EPB41L3: variants seen among roughly 807,000 people sequenced by gnomAD.
EPB41L3 encodes band 4.1-like protein 3.
Under a neutral mutation model 127.1 loss-of-function variants are expected in EPB41L3, and 57 were observed. The ratio of observed to expected loss-of-function variants is 0.45; its 90% CI spans 0.36 to 0.56. The LOEUF (loss-of-function observed/expected upper bound fraction) is 0.56, where lower values mean the gene tolerates loss of function less well. Ranked by LOEUF, EPB41L3 falls within the 20% of genes least tolerant of loss-of-function variation. The pLI is 0.00. For synonymous variants in EPB41L3, 572 were observed against 549.5 expected, an observed-to-expected ratio of 1.04 and a Z score of -0.57; for missense variants, 1,273 against 1,372.2, an observed-to-expected ratio of 0.93 and a Z score of 1.14.
chr18:5,489,273 T>C (rs1419747767), intron 1 of EPB41L3, 79 bp from the exon 2 acceptor site: 21 of 1,493,738 alleles, frequency 1.4e-5, no homozygotes, highest in Non-Finnish European at 1.8e-5. Flanking sequence ...ATGCTCACCG[T>C]GAAAGGCTCA....
chr18:5,557,546 T>C (rs117260199), intron 3 of EPB41L3, among the ~76,000 whole-genome samples: 1 of 152,086 alleles, frequency 6.6e-6, no homozygotes, highest in Non-Finnish European at 1.5e-5. Flanking sequence ...CACTACCACA[T>C]GGCTAATTTT....
chr18:5,446,933 T>A (rs1317901), intron 3 of EPB41L3, among the ~76,000 whole-genome samples: 43,534 of 152,170 alleles, frequency 0.29, 6,347 homozygotes, highest in Middle Eastern at 0.38. Context: ...TATTTATAAA[T>A]AACAGCATAT....
Position 5,434,141 on chromosome 18 carries a change from C to A in EPB41L3, c.606-20G>T, listed in dbSNP as rs760888687. 7 of 1,605,142 alleles carry A rather than the reference C, an allele frequency of 4.4e-6. No individual in the cohort carries two copies. Among genetic ancestry groups the A allele is most frequent in the Non-Finnish European group, 6.0e-6 (7 of 1,172,340 alleles). Reference sequence around the variant, plus strand: ...TAGTACCTTCCAGGAACCAAAAGCACAACACAACGAAGGCAGCATGAGGAT... The same window carrying A: ...TAGTACCTTCCAGGAACCAAAAGCAAAACACAACGAAGGCAGCATGAGGAT... On this transcript the variant is annotated intron_variant, in intron 6 of 22. Coordinates refer to ENST00000341928, the MANE Select transcript of EPB41L3 (RefSeq NM_012307.5).
intron 5 of EPB41L3, among the ~76,000 whole-genome samples, chr18:5,439,667 C>T (rs1476248394): frequency 1.3e-5 from 2 of 152,192 alleles, no homozygotes; most frequent in Non-Finnish European, 2.9e-5. Flanking sequence ...CAGTCAAACA[C>T]ATTTTCGTAA....
At position 5,605,489 on chromosome 18, in the gene EPB41L3, C is replaced by G. The variant is rs2094640870; in HGVS notation, c.-306+6851G>C. Among the ~76,000 whole-genome samples the G allele has an allele frequency of 2.6e-5, 4 of 152,316 alleles. No individual in the cohort carries two copies. In the South Asian group the frequency reaches 8.3e-4, roughly 32 times the overall value. ...AATCTCCCAGGCTCAAGCAATACTA[C>G]TGCCCCAGCCTCCCAAGCAGCTGGG... On this transcript the variant is annotated intron_variant, in intron 3 of 21. Transcript: ENST00000545076.
upstream of EPB41L3, among the ~76,000 whole-genome samples, chr18:5,548,720 T>C (rs1345913339): frequency 6.7e-6 from 1 of 148,474 alleles, no homozygotes; most frequent in African/African-American, 2.6e-5. Context: ...TCATTAAATG[T>C]AAATGCTCAA....
chr18:5,607,877 G>A (rs559544238), intron 3 of EPB41L3, among the ~76,000 whole-genome samples: 3 of 150,662 alleles, frequency 2.0e-5, no homozygotes, highest in South Asian at 4.1e-4. Flanking sequence ...TATCTGGGAT[G>A]CACCAAAATT....
Position 5,407,692 on chromosome 18 carries a change from A to G in EPB41L3, c.2157+9T>C, listed in dbSNP as rs752152351. On this transcript the variant is annotated intron_variant, in intron 15 of 22. Transcript: ENST00000341928. ...GTTGTTGTTGTTTGTTTTATTTTTA[A>G]TTTTCTACCTGTGCCTTGAGCTCTG... 1.2e-6 allele frequency: 2 copies of G among 1,613,592 alleles called. No homozygotes were observed. The highest frequency in any genetic ancestry group is 1.7e-6 in the Non-Finnish European group (2 of 1,179,780).
chr18:5,546,794 G>C (rs1189510509), upstream of EPB41L3, among the ~76,000 whole-genome samples: 1 of 152,136 alleles, frequency 6.6e-6, no homozygotes, highest in African/African-American at 2.4e-5. Flanking sequence ...CTTGATAATA[G>C]CGATCTCTTC....
intron 11 of EPB41L3, 164 bp from the exon 12 acceptor site, chr18:5,420,041 C>T: frequency 7.0e-7 from 1 of 1,432,386 alleles, no homozygotes; most frequent in Non-Finnish European, 9.2e-7. Flanking sequence ...ACACAAAATA[C>T]CAGGTTTGCC....
At chr18:5,433,877 TA>T in intron 7 of EPB41L3, 25 bp downstream of exon 7, 2 of 1,612,684 alleles carry the variant, frequency 1.2e-6, no homozygotes, top group Non-Finnish European at 8.5e-7. Context: ...AGGCACAACT[TA>T]AATGAACACC....
intron 5 of EPB41L3, among the ~76,000 whole-genome samples, chr18:5,440,970 G>A (rs1317690447): frequency 2.6e-5 from 4 of 152,106 alleles, no homozygotes; most frequent in Non-Finnish European, 5.9e-5. Context: ...TTGAACTCCT[G>A]GGCTCAAGTG....
chr18:5,416,396 G>C lies in EPB41L3; in HGVS notation c.1507-18C>G. 6.3e-7 allele frequency: 1 copy of C among 1,586,432 alleles called. No individual in the cohort carries two copies. Among genetic ancestry groups the C allele is most frequent in the East Asian group, 2.3e-5 (1 of 44,432 alleles). Reference sequence around the variant, plus strand: ...CCAGGTGACTGATGTGAAAGAGACAGAAAGAGACAGAAAGCAGCAAACAGA... The same window carrying C: ...CCAGGTGACTGATGTGAAAGAGACACAAAGAGACAGAAAGCAGCAAACAGA... On this transcript the variant is annotated intron_variant, in intron 12 of 22. Transcript: ENST00000341928.
intron 3 of EPB41L3, among the ~76,000 whole-genome samples, chr18:5,605,082 C>T (rs1448894046): frequency 2.0e-5 from 3 of 152,132 alleles, no homozygotes; most frequent in African/African-American, 4.8e-5. Flanking sequence ...TGACTAGTCT[C>T]TGTGGGGGAA....
chr18:5,485,325 A>T lies in EPB41L3; in HGVS notation c.183+3676T>A, dbSNP rs143269531. 7.6e-3 allele frequency among the ~76,000 whole-genome samples: 1,152 copies of T among 152,132 alleles called. 11 individuals are homozygous for T. The highest frequency in any genetic ancestry group is 0.014 in the Middle Eastern group (4 of 294). On this transcript the variant is annotated intron_variant, in intron 2 of 22. Coordinates refer to ENST00000341928, the MANE Select transcript of EPB41L3 (RefSeq NM_012307.5). ...CTTTATGATTAAAAATCCTCATCAA[A>T]ATCAGTATAGAAGAACATACCCCGA...
chr18:5,409,114 A>T (rs768051282), intron 14 of EPB41L3, among the ~76,000 whole-genome samples: 1 of 152,232 alleles, frequency 6.6e-6, no homozygotes. Flanking sequence ...ACAGAGTTTC[A>T]TCAGTATCAC....
chr18:5,395,729 C>A (rs970665309), intron 19 of EPB41L3, 22 bp from the exon 20 acceptor site: 3 of 1,599,592 alleles, frequency 1.9e-6, no homozygotes, highest in Non-Finnish European at 2.6e-6. Context: ...GAGGCATAGA[C>A]CCCTCATCCA....
chr18:5,398,413 G>A (rs920252088), intron 16 of EPB41L3: 1 of 476,592 alleles, frequency 2.1e-6, no homozygotes, highest in Admixed American at 3.8e-5. Flanking sequence ...GCAAGCCACA[G>A]CAGCACTATC....
chr18:5,621,658 T>C (rs998958710), intron 1 of EPB41L3, among the ~76,000 whole-genome samples: 1 of 152,182 alleles, frequency 6.6e-6, no homozygotes, highest in African/African-American at 2.4e-5. Flanking sequence ...GGAGAATCAC[T>C]TGGGCCTGGG....
Sources: allele counts gnomAD v4.1 joint callset (sites outside exome capture counted in the v4.1 genomes callset), GRCh38; gene constraint gnomAD v4.1.1; transcripts MANE v1.5; gene names NCBI Gene and HGNC (gene_info 2026-07-23, HGNC 2026-07-21).